Variants in UTS2 observed in about 807,000 individuals in gnomAD.
The protein encoded by UTS2 is urotensin-2.
A neutral mutation model predicts 12.6 loss-of-function variants in UTS2; 10 were observed. That is an observed-to-expected ratio of 0.80 (90% CI 0.49 to 1.35). The LOEUF (loss-of-function observed/expected upper bound fraction) is 1.35, where lower values mean the gene tolerates loss of function less well. Among genes scored for constraint, UTS2 ranks in the 40% most tolerant of loss-of-function variants. The probability of loss-of-function intolerance (pLI) is 0.00; values close to 1 mark genes in which losing one functional copy is unlikely to be tolerated. For missense variants in UTS2, 142 were observed against 143.2 expected, an observed-to-expected ratio of 0.99 and a Z score of 0.04; for synonymous variants, 52 against 50.0, an observed-to-expected ratio of 1.04 and a Z score of -0.17.
the UTS2 span, among the ~76,000 whole-genome samples, chr1:7,870,228 T>C: frequency 1.3e-5 from 2 of 152,128 alleles, no homozygotes; most frequent in Non-Finnish European, 2.9e-5. Context: ...TAGGCCCTGG[T>C]CCATTAGGAC....
At chr1:7,869,168 A>G in the UTS2 span, among the ~76,000 whole-genome samples, 4 of 152,146 alleles carry the variant, frequency 2.6e-5, no homozygotes, top group Non-Finnish European at 5.9e-5. Flanking sequence ...CAAGGTGGAG[A>G]GGCCTGCCAA....
At chr1:7,860,679 C>T in the UTS2 span, among the ~76,000 whole-genome samples, 9 of 152,030 alleles carry the variant, frequency 5.9e-5, no homozygotes, top group African/African-American at 1.9e-4. Context: ...AGCCATCCTC[C>T]TGCCTCGGCC....
the UTS2 span, among the ~76,000 whole-genome samples, chr1:7,864,157 C>T: frequency 6.6e-6 from 1 of 152,202 alleles, no homozygotes; most frequent in Non-Finnish European, 1.5e-5. Flanking sequence ...ACAGCTCCAA[C>T]AATGTAAAGT....
the UTS2 span, among the ~76,000 whole-genome samples, chr1:7,859,669 C>T: frequency 5.3e-5 from 8 of 152,188 alleles, no homozygotes; most frequent in Non-Finnish European, 1.0e-4. Flanking sequence ...GGCTATGTCA[C>T]GTGACCATAT....
chr1:7,858,716 T>C, the UTS2 span, among the ~76,000 whole-genome samples: 5 of 152,268 alleles, frequency 3.3e-5, no homozygotes, highest in East Asian at 7.7e-4. Context: ...CCCAAGTAGC[T>C]GGGATTACAG....
At chr1:7,905,142 TTTTTC>T in the UTS2 span, among the ~76,000 whole-genome samples, 25 of 144,372 alleles carry the variant, frequency 1.7e-4, no homozygotes, top group Non-Finnish European at 1.2e-4. Context: ...TAACATTTCT[TTTTTC>T]TTTTTTTTTT....
At chr1:7,875,808 A>G in the UTS2 span, among the ~76,000 whole-genome samples, 2 of 152,076 alleles carry the variant, frequency 1.3e-5, no homozygotes, top group African/African-American at 4.8e-5. Context: ...ACTACCCACC[A>G]GTCCCTGAGC....
the UTS2 span, among the ~76,000 whole-genome samples, chr1:7,893,296 G>A: frequency 6.6e-6 from 1 of 152,102 alleles, no homozygotes; most frequent in Non-Finnish European, 1.5e-5. Context: ...TGAGCCAGGA[G>A]TTTGAGGTCA....
At chr1:7,856,854 C>T (rs566804888), upstream of UTS2, among the ~76,000 whole-genome samples, 1 of 151,966 alleles carries the variant, frequency 6.6e-6, no homozygotes, top group Non-Finnish European at 1.5e-5. Flanking sequence ...TGAGGCCAGG[C>T]GTTTGAGACC....
the UTS2 span, among the ~76,000 whole-genome samples, chr1:7,877,126 C>CAAAAAAAAAAAA: frequency 4.8e-5 from 3 of 62,596 alleles, no homozygotes; most frequent in Non-Finnish European, 5.9e-5. Context: ...GAGACTCTAT[C>CAAAAAAAAAAAA]AAAAAAAAAA....
chr1:7,886,089 T>C, the UTS2 span, among the ~76,000 whole-genome samples: 2 of 118,530 alleles, frequency 1.7e-5, no homozygotes, highest in South Asian at 2.3e-4. Context: ...TAAACCTCCA[T>C]GTGGATCTGT....
the UTS2 span, among the ~76,000 whole-genome samples, chr1:7,912,301 A>C: frequency 3.9e-5 from 6 of 152,194 alleles, no homozygotes; most frequent in Non-Finnish European, 4.4e-5. Context: ...TTTGGAGCTC[A>C]CCTGCCTCCA....
the UTS2 span, among the ~76,000 whole-genome samples, chr1:7,862,073 C>T: frequency 2.6e-5 from 4 of 151,864 alleles, no homozygotes; most frequent in Non-Finnish European, 4.4e-5. Context: ...CCACCACGCC[C>T]GGCTAATTCT....
the UTS2 span, among the ~76,000 whole-genome samples, chr1:7,859,062 A>C: frequency 6.6e-6 from 1 of 152,150 alleles, no homozygotes; most frequent in Non-Finnish European, 1.5e-5. Flanking sequence ...TGAATACTGC[A>C]ATGTTTGTAC....
At chr1:7,876,928 G>A in the UTS2 span, among the ~76,000 whole-genome samples, 36 of 151,968 alleles carry the variant, frequency 2.4e-4, no homozygotes, top group East Asian at 5.4e-3. Context: ...TCAGGAGATC[G>A]AGACCATCCT....
chr1:7,905,207 G>A, the UTS2 span, among the ~76,000 whole-genome samples: 6 of 150,080 alleles, frequency 4.0e-5, no homozygotes, highest in South Asian at 2.1e-4. Flanking sequence ...GTAATGGCGC[G>A]ATCTTGGCTC....
the UTS2 span, among the ~76,000 whole-genome samples, chr1:7,884,398 T>C: frequency 2.6e-5 from 4 of 151,230 alleles, no homozygotes; most frequent in East Asian, 7.8e-4. Context: ...ACCTTCCGGA[T>C]TCAAATGATC....
chr1:7,878,107 C>T, the UTS2 span, among the ~76,000 whole-genome samples: 1 of 152,142 alleles, frequency 6.6e-6, no homozygotes, highest in East Asian at 1.9e-4. Flanking sequence ...CCTTACAGGC[C>T]AGGAGAGAAT....
At chr1:7,907,063 G>A in the UTS2 span, among the ~76,000 whole-genome samples, 1 of 151,494 alleles carries the variant, frequency 6.6e-6, no homozygotes, top group Admixed American at 6.6e-5. Context: ...TTGGGAGCCT[G>A]GGCAACATAG....
Sources: gnomAD v4.1 joint callset for allele counts (sites outside exome capture counted in the v4.1 genomes callset) on GRCh38, gnomAD v4.1.1 for gene constraint, MANE v1.5 for transcripts, NCBI Gene and HGNC (gene_info 2026-07-23, HGNC 2026-07-21) for gene names.